Variants in DNAAF4 observed in about 807,000 individuals in gnomAD.
DNAAF4 encodes dynein assembly factor 4, axonemal.
A neutral mutation model predicts 51.8 loss-of-function variants in DNAAF4; 43 were observed. The observed-to-expected ratio is 0.83, with a 90% CI of 0.65 to 1.07. The LOEUF is 1.07. DNAAF4 is among the 50% of genes least tolerant of loss of function. The pLI is 0.00. For synonymous variants in DNAAF4, 194 were observed against 165.6 expected (o/e 1.17, Z -1.32); for missense variants, 581 against 493.0 (o/e 1.18, Z -1.69).
Position 55,504,510 on chromosome 15 carries a change from G to T in DNAAF4, c.-256+3612C>A, listed in dbSNP as rs538041333. ...CAAAGCTGGAGGCATTACACTACCT[G>T]ACTTCAAACTATACTACAAGGCTAC... On this transcript the variant is annotated intron_variant, in intron 1 of 9. Coordinates refer to ENST00000321149, the MANE Select transcript of DNAAF4 (RefSeq NM_130810.4). Among the ~76,000 whole-genome samples, 7 of 152,272 alleles carry T rather than the reference G, an allele frequency of 4.6e-5. No homozygotes were observed. The East Asian group carries it at 1.4e-3, about 29-fold the overall frequency.
At position 55,498,607 on chromosome 15, in the gene DNAAF4, A is replaced by AG; in HGVS notation, c.-255-24_-255-23insC. 3 of 319,422 alleles carry AG rather than the reference A, an allele frequency of 9.4e-6. No homozygotes were observed. The East Asian group carries it at 1.7e-4, about 18-fold the overall frequency. 19.8% of individuals were successfully genotyped at this position (319,422 alleles called of 1,614,324 possible). A position where few individuals can be genotyped will look rare whatever the true frequency, so the allele number is the denominator to read the frequency against. ...CCTCTGCTTGAGAAAAAAAAAAAAA[A>AG]AAAAAAGCACTCTGTGGGTCGGGCG... On this transcript the variant is annotated intron_variant, in intron 1 of 9. Transcript: ENST00000321149.
intron 1 of DNAAF4, among the ~76,000 whole-genome samples, 178 bp downstream of exon 1, chr15:55,507,944 G>A (rs1277352147): frequency 2.0e-5 from 3 of 152,052 alleles, no homozygotes; most frequent in Non-Finnish European, 2.9e-5. Context: ...CCATCATCTG[G>A]GGACCTGTTA....
At chr15:55,468,510 A>G (rs979792796) in intron 4 of DNAAF4, among the ~76,000 whole-genome samples, 1 of 152,208 alleles carries the variant, frequency 6.6e-6, no homozygotes, top group African/African-American at 2.4e-5. Context: ...ACACATGGCA[A>G]TGAAACAAAA....
chr15:55,431,678 C>T (rs1178849605), intron 9 of DNAAF4, among the ~76,000 whole-genome samples: 1 of 152,002 alleles, frequency 6.6e-6, no homozygotes, highest in Non-Finnish European at 1.5e-5. Context: ...CGGGGTTTCA[C>T]CGTGTTAGCC....
chr15:55,463,167 C>CTG (rs2058117782), intron 5 of DNAAF4, among the ~76,000 whole-genome samples: 1 of 133,768 alleles, frequency 7.5e-6, no homozygotes, highest in African/African-American at 3.1e-5. Flanking sequence ...CAGTGAGACT[C>CTG]TGTCTCACAC....
chr15:55,447,297 C>T lies in DNAAF4; in HGVS notation c.783+2925G>A, dbSNP rs548567882. ...GGTGCTCCTCACATCCCAGACTGGG[C>T]GGCTGGGCAGAGGCACTCCTCACAT... On this transcript the variant is annotated intron_variant, in intron 6 of 9. Transcript: ENST00000321149. 7.7e-4 allele frequency among the ~76,000 whole-genome samples: 117 copies of T among 150,972 alleles called. 2 individuals are homozygous for T. In the South Asian group the frequency reaches 0.015, roughly 19 times the overall value.
chr15:55,443,081 T>C, intron 6 of DNAAF4: 1 of 1,610,674 alleles, frequency 6.2e-7, no homozygotes, highest in South Asian at 1.1e-5. Flanking sequence ...AGAAAATGGG[T>C]TTTAAAGTCT....
In DNAAF4 at chr15:55,466,948, T is replaced by C. The variant is rs757111754; in HGVS notation, c.619A>G (p.Arg207Gly). The C allele has an allele frequency of 5.7e-6, 9 of 1,584,204 alleles. No individual in the cohort carries two copies. Among genetic ancestry groups the C allele is most frequent in the Middle Eastern group, 1.7e-4 (1 of 6,004 alleles). The change falls in exon 5 of 10, where the codon AGA becomes GGA. Residue 207 changes from arginine to glycine, a missense_variant. Transcript: ENST00000321149. ...ATTTTACCTTTTGGAGCAAGATTTCTAGATGCCAAATTTCTAGTAAGACTC... is the reference window on the plus strand; with the variant it reads ...ATTTTACCTTTTGGAGCAAGATTTCCAGATGCCAAATTTCTAGTAAGACTC... ...YKSLTRNLASRNLAPKGRNSE... is the reference protein window; with the variant it reads ...YKSLTRNLASGNLAPKGRNSE...
intron 4 of DNAAF4, among the ~76,000 whole-genome samples, chr15:55,486,271 G>A (rs2058488074): frequency 6.7e-6 from 1 of 150,170 alleles, no homozygotes; most frequent in Non-Finnish European, 1.5e-5. Context: ...TCAGCTCACT[G>A]CAACCTCCGC....
chr15:55,498,449 T>TTCCCAGCGTGCTCCGGCGC lies in DNAAF4; in HGVS notation c.-139_-121dup. On this transcript the variant is annotated 5_prime_UTR_variant, in exon 2 of 10. It introduces an in-frame stop codon into an upstream open reading frame of the 5' UTR. Coordinates refer to ENST00000321149, the MANE Select transcript of DNAAF4 (RefSeq NM_130810.4). ...GGTCAGGCCGGCCGGGAGCCCGGCG[T>TTCCCAGCGTGCTCCGGCGC]TCCCAGCGTGCTCCGGCGCCAGCAC... The TTCCCAGCGTGCTCCGGCGC allele has an allele frequency of 6.9e-7, 1 of 1,444,016 alleles. No individual in the cohort carries two copies. The highest frequency in any genetic ancestry group is 9.1e-7 in the Non-Finnish European group (1 of 1,093,498). 89.5% of individuals were successfully genotyped at this position (1,444,016 alleles called of 1,614,324 possible). A position where few individuals can be genotyped will look rare whatever the true frequency, so the allele number is the denominator to read the frequency against.
intron 4 of DNAAF4, among the ~76,000 whole-genome samples, chr15:55,470,049 TA>T (rs1356275587): frequency 4.5e-4 from 67 of 150,172 alleles, no homozygotes; most frequent in African/African-American, 1.5e-3. Context: ...CGCTTATATT[TA>T]CCCCTTTTTT....
chr15:55,497,097 C>T (rs116283981), intron 3 of DNAAF4, among the ~76,000 whole-genome samples: 1,551 of 152,240 alleles, frequency 0.01, 20 homozygotes, highest in African/African-American at 0.035. Context: ...CTGTTCTAAG[C>T]GGCCTACATC....
rs749174221 is a variant in DNAAF4, at chr15:55,424,680, A to G, written c.1048-6547T>C. ...CAGGTTCAAGCGATTCTCCTGCCTCAGCTTCCTGAGTACCTGGGATTACAG... is the reference window on the plus strand; with the variant it reads ...CAGGTTCAAGCGATTCTCCTGCCTCGGCTTCCTGAGTACCTGGGATTACAG... On this transcript the variant is annotated intron_variant, in intron 7 of 7. Transcript: ENST00000448430. Among the ~76,000 whole-genome samples the G allele has an allele frequency of 8.5e-5, 13 of 152,118 alleles. No individual in the cohort carries two copies. The South Asian group carries it at 2.3e-3, about 27-fold the overall frequency.
At chr15:55,468,293 A>T (rs1410404358) in intron 4 of DNAAF4, among the ~76,000 whole-genome samples, 1 of 152,228 alleles carries the variant, frequency 6.6e-6, no homozygotes, top group Admixed American at 6.5e-5. Flanking sequence ...TATCTACATG[A>T]CATAATACTC....
At chr15:55,438,908 G>A (rs73408834) in intron 7 of DNAAF4, among the ~76,000 whole-genome samples, 3,162 of 152,100 alleles carry the variant, frequency 0.021, 92 homozygotes, top group African/African-American at 0.069. Context: ...ATTTTAAAAG[G>A]AATTTTAATA....
At chr15:55,432,439 AATGAC>A (rs1167237024) in intron 9 of DNAAF4, 53 bp downstream of exon 9, 143 of 1,381,702 alleles carry the variant, frequency 1.0e-4, no homozygotes, top group Non-Finnish European at 1.3e-4. Context: ...AAATAATTCC[AATGAC>A]ATTTTTTTCA....
chr15:55,479,082 G>T (rs935632378), intron 4 of DNAAF4, among the ~76,000 whole-genome samples: 3 of 151,216 alleles, frequency 2.0e-5, no homozygotes, highest in African/African-American at 4.9e-5. Flanking sequence ...CCCACTAGCT[G>T]TATGCACATT....
downstream of DNAAF4, among the ~76,000 whole-genome samples, chr15:55,428,484 C>CTTTTT (rs747325376): frequency 1.1e-4 from 9 of 85,080 alleles, no homozygotes; most frequent in Non-Finnish European, 1.6e-4. Context: ...TCTTTTTTTT[C>CTTTTT]TTTTTTTTTT....
downstream of DNAAF4, among the ~76,000 whole-genome samples, chr15:55,427,659 G>A (rs1391026893): frequency 6.6e-6 from 1 of 151,360 alleles, no homozygotes; most frequent in Non-Finnish European, 1.5e-5. Context: ...TTTTGAGATG[G>A]AGTTTCGCTC....
Sources: gnomAD v4.1 joint callset for allele counts (sites outside exome capture counted in the v4.1 genomes callset) on GRCh38, gnomAD v4.1.1 for gene constraint, MANE v1.5 for transcripts, NCBI Gene and HGNC (gene_info 2026-07-23, HGNC 2026-07-21) for gene names.